The following PSMD5 variants were observed in gnomAD, a reference collection of about 807,000 sequenced individuals.
The protein encoded by PSMD5 is 26S proteasome non-ATPase regulatory subunit 5.
Under a neutral mutation model 52.1 loss-of-function variants are expected in PSMD5, and 40 were observed. The observed-to-expected ratio is 0.77, with a 90% CI of 0.60 to 1.00. The LOEUF (loss-of-function observed/expected upper bound fraction) is 1.00, where lower values mean the gene tolerates loss of function less well. PSMD5 is among the 50% of genes least tolerant of loss of function. PSMD5 has a pLI of 0.00. For synonymous variants in PSMD5, 211 were observed against 226.6 expected, an observed-to-expected ratio of 0.93 and a Z score of 0.62; for missense variants, 575 against 605.2, an observed-to-expected ratio of 0.95 and a Z score of 0.52.
Position 120,824,554 on chromosome 9 carries a change from C to T in PSMD5, c.946G>A (p.Val316Ile). The T allele has an allele frequency of 3.1e-6, 5 of 1,614,182 alleles. No homozygotes were observed. Among genetic ancestry groups the T allele is most frequent in the Non-Finnish European group, 4.2e-6 (5 of 1,180,028 alleles). The stretch of plus-strand genomic sequence containing the variant: ...GATCCCAAGATTCCAACTGTGTCTA[C>T]AGCTACACCAATCATAGTGGGGTCC... ...SQDPTMIGVA[V>I]DTVGILGSNV... Residue 316 changes from valine (V) to isoleucine (I), a missense_variant, in exon 7 of 10, where the codon GTA becomes ATA. By Grantham distance (29) the Val-to-Ile change is conservative (BLOSUM62 3). Coordinates refer to ENST00000210313, the MANE Select transcript of PSMD5 (RefSeq NM_005047.4).
Position 120,829,291 on chromosome 9 carries a change from A to C in PSMD5, c.562-83T>G, listed in dbSNP as rs1048643191. The C allele has an allele frequency of 1.6e-5, 21 of 1,344,326 alleles. No homozygotes were observed. The African/African-American group carries it at 3.1e-4, about 20-fold the overall frequency. The allele number at this position is 1,344,326 out of a possible 1,614,324, so 83.3% of individuals were successfully genotyped here. A position where few individuals can be genotyped will look rare whatever the true frequency, so the allele number is the denominator to read the frequency against. On this transcript the variant is annotated intron_variant, in intron 4 of 9. Coordinates refer to ENST00000210313, the MANE Select transcript of PSMD5 (RefSeq NM_005047.4). ...ATAGATCTCATTTTAAGTTAAATGT[A>C]GGACTAGGTACTTTTTATAAATGAG...
intron 2 of PSMD5, among the ~76,000 whole-genome samples, chr9:120,832,435 C>T (rs2045168277): frequency 7.8e-6 from 1 of 127,832 alleles, no homozygotes; most frequent in South Asian, 2.4e-4. Flanking sequence ...CTCACTCTTT[C>T]GCCCAGGCTG....
At chr9:120,835,085 CTT>C (rs2045189119) in intron 1 of PSMD5, among the ~76,000 whole-genome samples, 1 of 152,170 alleles carries the variant, frequency 6.6e-6, no homozygotes, top group Non-Finnish European at 1.5e-5. Flanking sequence ...TGAACATACT[CTT>C]TTAATTCAGG....
intron 1 of PSMD5, among the ~76,000 whole-genome samples, chr9:120,839,751 T>C (rs1441991257): frequency 1.3e-5 from 2 of 150,526 alleles, no homozygotes; most frequent in Non-Finnish European, 2.9e-5. Context: ...TTTTTTTTCC[T>C]TTTTTTCCCC....
At chr9:120,822,091 C>T (rs192494057) in intron 7 of PSMD5, among the ~76,000 whole-genome samples, 1 of 152,246 alleles carries the variant, frequency 6.6e-6, no homozygotes, top group East Asian at 1.9e-4. Context: ...AATTTCTCCA[C>T]ATCCTAACAC....
intron 1 of PSMD5, chr9:120,842,467 T>C: frequency 1.9e-6 from 1 of 530,984 alleles, no homozygotes; most frequent in Non-Finnish European, 3.3e-6. Context: ...GCTTTCCTCC[T>C]TTAATTTCTA....
chr9:120,821,099 G>A, intron 8 of PSMD5, 120 bp from the exon 9 acceptor site: 1 of 1,192,764 alleles, frequency 8.4e-7, no homozygotes, highest in Non-Finnish European at 1.1e-6. Flanking sequence ...GTGTGAAACT[G>A]GCTAAGTCTG....
At chr9:120,820,687 G>C (rs570563215) in intron 9 of PSMD5, 152 bp downstream of exon 9, 160 of 669,112 alleles carry the variant, frequency 2.4e-4, no homozygotes, top group Middle Eastern at 1.4e-3. Context: ...TTACACATCT[G>C]TCTCCTTACT....
intron 6 of PSMD5, chr9:120,824,957 C>G: frequency 3.6e-6 from 1 of 277,874 alleles, no homozygotes; most frequent in Non-Finnish European, 6.6e-6. Flanking sequence ...CCAGTGGATA[C>G]AAATTACAGG....
At chr9:120,825,336 T>C (rs1216333976) in intron 6 of PSMD5, among the ~76,000 whole-genome samples, 4 of 152,344 alleles carry the variant, frequency 2.6e-5, no homozygotes, top group East Asian at 3.9e-4. Context: ...TAAGAGGCTA[T>C]AGGTATCTTT....
At chr9:120,826,196 G>T (rs1265373461) in intron 6 of PSMD5, among the ~76,000 whole-genome samples, 1 of 152,018 alleles carries the variant, frequency 6.6e-6, no homozygotes, top group Non-Finnish European at 1.5e-5. Context: ...GGGTTTCACT[G>T]TGTTAGCCAG....
Position 120,831,455 on chromosome 9 carries a change from A to G in PSMD5, c.437T>C (p.Ile146Thr), listed in dbSNP as rs754419425. Residue 146 changes from isoleucine (I) to threonine (T), a missense_variant, in exon 4 of 10, where the codon ATC becomes ACC. Physicochemically the swap from Ile to Thr is moderately conservative, Grantham distance 89. Transcript: ENST00000210313. Reference sequence around the variant, plus strand: ...TAGTGATATTCTTGACAGGGATTTGATAGCCTTATAACGAAAGAAAATATC... The same window carrying G: ...TAGTGATATTCTTGACAGGGATTTGGTAGCCTTATAACGAAAGAAAATATC... ...GENLSVAKAA[I>T]KSLSRISLTQ... The G allele has an allele frequency of 1.2e-6, 2 of 1,606,850 alleles. No individual in the cohort carries two copies. Among genetic ancestry groups the G allele is most frequent in the Non-Finnish European group, 1.7e-6 (2 of 1,178,012 alleles).
intron 1 of PSMD5, 139 bp downstream of exon 1, chr9:120,842,598 A>G: frequency 5.3e-6 from 5 of 949,462 alleles, no homozygotes; most frequent in Non-Finnish European, 7.8e-6. Flanking sequence ...TGAACCCAGG[A>G]TCCTTCCTTC....
rs373761234 is a variant in PSMD5 at position 120,842,714 on chromosome 9, T to C, written c.173+23A>G. ...ATTTAGGGGTGCCCCTCTCCTCGGC[T>C]CAAGCCCCCGGGGTCCTCTCACCTA... On this transcript the variant is annotated intron_variant, in intron 1 of 9. Coordinates refer to ENST00000210313, the MANE Select transcript of PSMD5 (RefSeq NM_005047.4). 14 of 1,612,562 alleles carry C rather than the reference T, an allele frequency of 8.7e-6. No individual in the cohort carries two copies. The African/African-American group carries it at 1.5e-4, about 17-fold the overall frequency.
Position 120,826,784 on chromosome 9 carries a change from G to T in PSMD5, c.795C>A (p.Phe265Leu), listed in dbSNP as rs1450196436. 1.2e-6 allele frequency: 2 copies of T among 1,613,790 alleles called. No homozygotes were observed. Among genetic ancestry groups the T allele is most frequent in the Admixed American group, 1.7e-5 (1 of 59,996 alleles). The change falls in exon 6 of 10, where the codon TTC becomes TTA. Residue 265 changes from phenylalanine to leucine, a missense_variant. Transcript: ENST00000210313. The stretch of plus-strand genomic sequence containing the variant: ...CCTTACCTGGCAGATAGAAGCTAGA[G>T]AAAGGGTCTGAATCTGCCCCAACAA... The part of the protein sequence containing the change: ...NIIVGADSDP[F>L]SSFYLPGFVK...
intron 4 of PSMD5, among the ~76,000 whole-genome samples, chr9:120,829,872 G>A (rs1247340836): frequency 6.6e-6 from 1 of 152,172 alleles, no homozygotes; most frequent in Non-Finnish European, 1.5e-5. Flanking sequence ...CATTCAGCAA[G>A]TATGTTCTGA....
chr9:120,834,179 A>G lies in PSMD5; in HGVS notation c.174-723T>C, dbSNP rs1020009397. On this transcript the variant is annotated intron_variant, in intron 1 of 9. Transcript: ENST00000210313. ...TATTTTTAGCAGAGACGGGGGTTTC[A>G]CTGTGTTAGCCATGATGATCTCGAT... Among the ~76,000 whole-genome samples the G allele has an allele frequency of 1.3e-4, 19 of 151,428 alleles. 1 individual carries two copies. Among genetic ancestry groups the G allele is most frequent in the African/African-American group, 3.4e-4 (14 of 41,114 alleles).
chr9:120,828,442 TC>T (rs1440503025), intron 5 of PSMD5, among the ~76,000 whole-genome samples: 2 of 66,378 alleles, frequency 3.0e-5, no homozygotes, highest in Admixed American at 2.3e-4. Context: ...AAGCTCATAT[TC>T]TTTTTTTTTT....
rs17282618 is a variant in PSMD5 at position 120,833,415 on chromosome 9, A to G, written c.215T>C (p.Leu72Pro). The G allele has an allele frequency of 1.2e-6, 2 of 1,614,096 alleles. No homozygotes were observed. The highest frequency in any genetic ancestry group is 2.2e-5 in the South Asian group (2 of 91,082). Residue 72 changes from leucine to proline, a missense_variant, in exon 2 of 10, where the codon CTC (leucine) becomes CCC (proline). Physicochemically the swap from Leu to Pro is moderately conservative, Grantham distance 98. Transcript: ENST00000210313. ...TLCVSILERL[L>P]QAMEPVHVAR... ...CACGTGAACCGGTTCCATAGCTTGG[A>G]GCAATCTCTCCAGAATGGATACACA...
Sources: gnomAD v4.1 joint callset for allele counts (sites outside exome capture counted in the v4.1 genomes callset) on GRCh38, gnomAD v4.1.1 for gene constraint, MANE v1.5 for transcripts, NCBI Gene and HGNC (gene_info 2026-07-23, HGNC 2026-07-21) for gene names.